RPL15: variants seen among roughly 807,000 people sequenced by gnomAD.
RPL15 encodes the protein ribosomal protein L15.
For synonymous variants in RPL15, 97 were observed against 95.1 expected, an observed-to-expected ratio of 1.02 and a Z score of -0.12; for missense variants, 161 against 271.8, an observed-to-expected ratio of 0.59 and a Z score of 2.87.
downstream of RPL15, chr3:23,922,699 TG>T (rs1337517442): frequency 6.6e-6 from 1 of 152,262 alleles, no homozygotes; most frequent in African/African-American, 2.4e-5. The surrounding 1 kb of genome is among the most constrained non-coding windows in gnomAD (Gnocchi z 4.2). Context: ...TTAAAGTTTT[TG>T]ATAGATAATA....
At position 23,919,529 on chromosome 3, in the gene RPL15, T is replaced by G. The variant is rs4024626; in HGVS notation, c.*28T>G. On this transcript the variant is annotated 3_prime_UTR_variant, in exon 4 of 4. Transcript: ENST00000307839. ...TAAGTAAAGTTTGTAAAATTCATAC[T>G]TAATAAACAATTTAGGACAGTCATG... The G allele has an allele frequency of 6.6e-7, 1 of 1,518,622 alleles. No individual in the cohort carries two copies. The allele number at this position is 1,518,622 out of a possible 1,614,324, so 94.1% of individuals were successfully genotyped here.
chr3:23,918,673 C>A, intron 3 of RPL15, 97 bp downstream of exon 3: 1 of 1,388,162 alleles, frequency 7.2e-7, no homozygotes, highest in Admixed American at 2.3e-5. Context: ...GGTGAGCTGT[C>A]TCGTATATAA....
rs1705021284 is a variant in RPL15 at position 23,920,551 on chromosome 3, A to G, written c.*1050A>G. The stretch of plus-strand genomic sequence containing the variant: ...ACCATGTCTTCCAGGAGACTAGACT[A>G]CTGTTGTCCAGGGTCAATTTGAGTG... On this transcript the variant is annotated 3_prime_UTR_variant, in exon 4 of 4. Transcript: ENST00000307839. 1.0e-6 allele frequency: 1 copy of G among 985,292 alleles called. No homozygotes were observed. The highest frequency in any genetic ancestry group is 1.2e-6 in the Non-Finnish European group (1 of 829,814). The allele number at this position is 985,292 out of a possible 1,614,324, so 61.0% of individuals were successfully genotyped here.
In RPL15 at chr3:23,919,392, G is replaced by A. The variant is rs769387719; in HGVS notation, c.506G>A (p.Arg169Gln). The change falls in exon 4 of 4, where the codon CGA becomes CAA. Residue 169 changes from arginine to glutamine, a missense_variant. Transcript: ENST00000307839. ...ATGCGTGGGCTGACATCTGCAGGCC[G>A]AAAGAGCCGTGGCCTTGGAAAGGGC... ...REMRGLTSAG[R>Q]KSRGLGKGHK... is the part of the protein sequence containing the mutation. 5.0e-6 allele frequency: 8 copies of A among 1,602,968 alleles called. No homozygotes were observed. The highest frequency in any genetic ancestry group is 2.2e-5 in the East Asian group (1 of 44,888).
chr3:23,924,257 A>T (rs1285660680), downstream of RPL15: 4 of 152,212 alleles, frequency 2.6e-5, no homozygotes, highest in African/African-American at 9.6e-5. Flanking sequence ...GTTGAGCATT[A>T]TTTGTACATT....
rs774610114 is a variant in RPL15 at position 23,917,818 on chromosome 3, G to C, written c.-10-32G>C. The stretch of plus-strand genomic sequence containing the variant: ...CAGTCGTCTTATTGTACTTAAAGCG[G>C]ATGATATTTAATACACAGTTTGATT... On this transcript the variant is annotated intron_variant, in intron 1 of 3. Coordinates refer to ENST00000307839, the MANE Select transcript of RPL15 (RefSeq NM_002948.5). 81 of 1,575,806 alleles carry C rather than the reference G, an allele frequency of 5.1e-5. 1 individual carries two copies. The South Asian group carries it at 8.8e-4, about 17-fold the overall frequency.
rs1252093592 is a variant in RPL15, at chr3:23,920,954, T to C, written c.*1453T>C. On this transcript the variant is annotated 3_prime_UTR_variant, in exon 4 of 4. Transcript: ENST00000307839. The stretch of plus-strand genomic sequence containing the variant: ...TCAAAATGTGATTATAGAAATAATA[T>C]AATTTGAGATAGCATAAAATGTACT... 1 of 165,500 alleles carries C rather than the reference T, an allele frequency of 6.0e-6. No homozygotes were observed. Among genetic ancestry groups the C allele is most frequent in the African/African-American group, 2.4e-5 (1 of 41,684 alleles). 10.3% of individuals were successfully genotyped at this position (165,500 alleles called of 1,614,324 possible).
chr3:23,919,659 A>C lies in RPL15; in HGVS notation c.*158A>C, dbSNP rs1704961294. ...AGTGCAATAATGTTTGAAGACAATAAGTGGTGGTGTATCTTGTTTCTAATA... is the reference window on the plus strand; with the variant it reads ...AGTGCAATAATGTTTGAAGACAATACGTGGTGGTGTATCTTGTTTCTAATA... On this transcript the variant is annotated 3_prime_UTR_variant, in exon 4 of 4. Coordinates refer to ENST00000307839, the MANE Select transcript of RPL15 (RefSeq NM_002948.5). The C allele has an allele frequency of 7.1e-7, 1 of 1,413,280 alleles. No homozygotes were observed. Among genetic ancestry groups the C allele is most frequent in the East Asian group, 2.5e-5 (1 of 39,690 alleles). The allele number at this position is 1,413,280 out of a possible 1,614,324, so 87.5% of individuals were successfully genotyped here.
chr3:23,919,190 T>A lies in RPL15; in HGVS notation c.310-6T>A, dbSNP rs777908017. On this transcript the variant is annotated splice_polypyrimidine_tract_variant and splice_region_variant and intron_variant, in intron 3 of 3. Coordinates refer to ENST00000307839, the MANE Select transcript of RPL15 (RefSeq NM_002948.5). ...GATTGACCTTGGGCCTTTTTTCCTATTCTAGGAGCGAGCTGGACGCCACTG... is the reference window on the plus strand; with the variant it reads ...GATTGACCTTGGGCCTTTTTTCCTAATCTAGGAGCGAGCTGGACGCCACTG... 6.2e-7 allele frequency: 1 copy of A among 1,610,950 alleles called. No homozygotes were observed. Among genetic ancestry groups the A allele is most frequent in the Non-Finnish European group, 8.5e-7 (1 of 1,177,218 alleles).
rs2125257206 is a variant in RPL15 at position 23,919,909 on chromosome 3, G to C, written c.*408G>C. The C allele has an allele frequency of 1.0e-6, 1 of 991,636 alleles. No individual in the cohort carries two copies. The highest frequency in any genetic ancestry group is 1.2e-6 in the Non-Finnish European group (1 of 833,958). The allele number at this position is 991,636 out of a possible 1,614,324, so 61.4% of individuals were successfully genotyped here. A position where few individuals can be genotyped will look rare whatever the true frequency, so the allele number is the denominator to read the frequency against. On this transcript the variant is annotated 3_prime_UTR_variant, in exon 4 of 4. Coordinates refer to ENST00000307839, the MANE Select transcript of RPL15 (RefSeq NM_002948.5). ...TGGCTGCGTTTTTTTTAGTTTGGCA[G>C]GTGTAGACTTTTTAAGTTGGGCTTT...
At chr3:23,917,698 G>T in intron 1 of RPL15, 152 bp from the exon 2 acceptor site, 1 of 716,758 alleles carries the variant, frequency 1.4e-6, no homozygotes, top group Non-Finnish European at 2.3e-6. Flanking sequence ...GCGCAGTGGT[G>T]GGGGTTGGGC....
In RPL15 at chr3:23,917,829, A is replaced by C. The variant is rs765845501; in HGVS notation, c.-10-21A>C. On this transcript the variant is annotated intron_variant, in intron 1 of 3. Transcript: ENST00000307839. Reference sequence around the variant, plus strand: ...TTGTACTTAAAGCGGATGATATTTAATACACAGTTTGATTTCACAGGTAAG... The same window carrying C: ...TTGTACTTAAAGCGGATGATATTTACTACACAGTTTGATTTCACAGGTAAG... 3 of 1,600,116 alleles carry C rather than the reference A, an allele frequency of 1.9e-6. No individual in the cohort carries two copies. In the South Asian group the frequency reaches 3.4e-5, roughly 18 times the overall value.
chr3:23,922,408 T>G (rs1484939180), downstream of RPL15: 2 of 152,068 alleles, frequency 1.3e-5, no homozygotes, highest in African/African-American at 2.4e-5. This position sits in a 1 kb window ranked among gnomAD's most constrained non-coding sequence, Gnocchi z 4.2. Context: ...TTTGTTTTGG[T>G]TTTTTTTGAG....
At chr3:23,923,450 C>T (rs1047266179), downstream of RPL15, 7 of 152,114 alleles carry the variant, frequency 4.6e-5, no homozygotes, top group African/African-American at 1.7e-4. Flanking sequence ...AACTCCTGAC[C>T]TCAGGTGATC....
At chr3:23,921,905 C>A, downstream of RPL15, 1 of 387,214 alleles carries the variant, frequency 2.6e-6, no homozygotes, top group East Asian at 4.7e-5. Context: ...GACAGGATCT[C>A]ACTATGTTGC....
intron 3 of RPL15, 99 bp downstream of exon 3, chr3:23,918,675 C>G (rs923192776): frequency 6.5e-6 from 9 of 1,377,870 alleles, no homozygotes; most frequent in African/African-American, 2.9e-5. Context: ...TGAGCTGTCT[C>G]GTATATAAAA....
intron 3 of RPL15, 24 bp downstream of exon 3, chr3:23,918,600 A>G: frequency 6.2e-7 from 1 of 1,610,388 alleles, no homozygotes; most frequent in South Asian, 1.1e-5. Context: ...AGTAGCAGTT[A>G]TATTGAATAC....
Position 23,919,752 on chromosome 3 carries a change from G to A in RPL15, c.*251G>A, listed in dbSNP as rs1704968812. ...TATGTCAGTGTATAAAACATACTGTGTGGTATAACAGGCTTAATAAATTCT... is the reference window on the plus strand; with the variant it reads ...TATGTCAGTGTATAAAACATACTGTATGGTATAACAGGCTTAATAAATTCT... On this transcript the variant is annotated 3_prime_UTR_variant, in exon 4 of 4. Transcript: ENST00000307839. 2 of 1,253,454 alleles carry A rather than the reference G, an allele frequency of 1.6e-6. No homozygotes were observed. Among genetic ancestry groups the A allele is most frequent in the Non-Finnish European group, 1.0e-6 (1 of 998,436 alleles). The allele number at this position is 1,253,454 out of a possible 1,614,324, so 77.6% of individuals were successfully genotyped here.
chr3:23,920,630 T>C lies in RPL15; in HGVS notation c.*1129T>C, dbSNP rs867169995. On this transcript the variant is annotated 3_prime_UTR_variant, in exon 4 of 4. Transcript: ENST00000307839. ...AATTTTAAATTCTGACTTTGCTGAC[T>C]TAATTTAAATGCTCGTTCTGAACCA... is the stretch of plus-strand genomic sequence containing the variant. 5.2e-5 allele frequency: 51 copies of C among 984,786 alleles called. No individual in the cohort carries two copies. Among genetic ancestry groups the C allele is most frequent in the Middle Eastern group, 5.2e-4 (1 of 1,934 alleles). The allele number at this position is 984,786 out of a possible 1,614,324, so 61.0% of individuals were successfully genotyped here.
Sources: gnomAD v4.1 joint callset for allele counts on GRCh38, gnomAD v4.1.1 for gene constraint, Gnocchi (gnomAD v3.1) non-coding constraint, MANE v1.5 for transcripts, NCBI Gene and HGNC (gene_info 2026-07-23, HGNC 2026-07-21) for gene names.